PTPRT: variants seen among roughly 807,000 people sequenced by gnomAD.
PTPRT encodes receptor-type tyrosine-protein phosphatase T.
Under a neutral mutation model 176.8 loss-of-function variants are expected in PTPRT, and 56 were observed. That is an observed-to-expected ratio of 0.32 (90% CI 0.26 to 0.40). The LOEUF is 0.40. Ranked by LOEUF, PTPRT falls within the 10% of genes least tolerant of loss-of-function variation. The pLI is 1.00. For synonymous variants in PTPRT, 783 were observed against 739.0 expected (o/e 1.06, Z -0.96); for missense variants, 1,540 against 1,908.2 (o/e 0.81, Z 3.60).
intron 9 of PTPRT, among the ~76,000 whole-genome samples, chr20:42,418,293 C>G (rs1471971038): frequency 6.6e-6 from 1 of 152,008 alleles, no homozygotes; most frequent in Admixed American, 6.6e-5. Flanking sequence ...TTAAATGCAG[C>G]TAATAGAAAA....
chr20:43,096,237 CCT>C (rs2012163054), intron 1 of PTPRT, among the ~76,000 whole-genome samples: 1 of 151,826 alleles, frequency 6.6e-6, no homozygotes, highest in Non-Finnish European at 1.5e-5. Context: ...CTCCTCTTTT[CCT>C]CTCTCTCCGA....
At chr20:42,064,872 G>C in the PTPRT span, among the ~76,000 whole-genome samples, 1 of 152,222 alleles carries the variant, frequency 6.6e-6, no homozygotes, top group African/African-American at 2.4e-5. Context: ...CAAGTGATGA[G>C]ATGTAACTTC....
At chr20:42,881,633 G>A (rs989206076) in intron 2 of PTPRT, among the ~76,000 whole-genome samples, 1 of 148,170 alleles carries the variant, frequency 6.7e-6, no homozygotes, top group African/African-American at 2.5e-5. Flanking sequence ...TCTGAGGCAT[G>A]AGAATCACTT....
At chr20:42,866,677 C>T (rs1273318713) in intron 2 of PTPRT, among the ~76,000 whole-genome samples, 1 of 152,184 alleles carries the variant, frequency 6.6e-6, no homozygotes, top group Non-Finnish European at 1.5e-5. Context: ...TGGCCCCAAC[C>T]TCCCTTCTCA....
At chr20:43,086,395 A>T (rs556329751) in intron 1 of PTPRT, among the ~76,000 whole-genome samples, 1 of 152,350 alleles carries the variant, frequency 6.6e-6, no homozygotes, top group African/African-American at 2.4e-5. Context: ...ACATTTTACA[A>T]AAGAATAACT....
At chr20:42,681,013 T>C (rs373749986) in intron 6 of PTPRT, among the ~76,000 whole-genome samples, 2 of 152,248 alleles carry the variant, frequency 1.3e-5, no homozygotes, top group African/African-American at 4.8e-5. Flanking sequence ...CAGATTATTG[T>C]GTGCTTTATT....
At chr20:42,401,102 A>G (rs1432900847) in intron 9 of PTPRT, among the ~76,000 whole-genome samples, 1 of 151,282 alleles carries the variant, frequency 6.6e-6, no homozygotes, top group African/African-American at 2.4e-5. Context: ...CGCAGATTTC[A>G]ATTTGGAGTA....
chr20:42,367,270 G>C (rs2058527339), intron 9 of PTPRT, among the ~76,000 whole-genome samples: 1 of 152,202 alleles, frequency 6.6e-6, no homozygotes, highest in African/African-American at 2.4e-5. Flanking sequence ...ATGTGTATAA[G>C]AGAGCTTGAA....
chr20:42,926,731 C>T (rs1979508006), intron 1 of PTPRT, among the ~76,000 whole-genome samples: 1 of 152,162 alleles, frequency 6.6e-6, no homozygotes, highest in African/African-American at 2.4e-5. Context: ...CTCATTTCTT[C>T]ATGTGCAATA....
the PTPRT span, among the ~76,000 whole-genome samples, chr20:42,034,656 T>G: frequency 6.6e-6 from 1 of 152,128 alleles, no homozygotes; most frequent in Non-Finnish European, 1.5e-5. Context: ...TTAAGCACAA[T>G]GACCTGCTGC....
intron 6 of PTPRT, among the ~76,000 whole-genome samples, chr20:42,706,128 T>C (rs1482965991): frequency 6.6e-6 from 1 of 151,988 alleles, no homozygotes; most frequent in Non-Finnish European, 1.5e-5. Context: ...TCTGTCTGTC[T>C]GTGTCTGTCT....
intron 2 of PTPRT, among the ~76,000 whole-genome samples, chr20:42,817,450 C>A (rs1280054716): frequency 6.7e-6 from 1 of 148,600 alleles, no homozygotes; most frequent in Non-Finnish European, 1.5e-5. Context: ...AATGTGTACA[C>A]AATAATACTC....
At chr20:42,034,150 G>A in the PTPRT span, among the ~76,000 whole-genome samples, 1 of 152,256 alleles carries the variant, frequency 6.6e-6, no homozygotes, top group Middle Eastern at 3.4e-3. Context: ...CCTCTGCAAG[G>A]TTGAAATCAA....
intron 7 of PTPRT, among the ~76,000 whole-genome samples, chr20:42,659,600 T>C (rs1372035517): frequency 6.6e-6 from 1 of 152,214 alleles, no homozygotes; most frequent in African/African-American, 2.4e-5. Context: ...TAAGCTGCCA[T>C]GGCTTTGGTC....
intron 1 of PTPRT, among the ~76,000 whole-genome samples, chr20:43,034,740 T>C (rs772309360): frequency 4.0e-5 from 6 of 151,808 alleles, no homozygotes; most frequent in Admixed American, 3.9e-4. Context: ...CACAGTAGAA[T>C]GAAAAAGTCC....
chr20:42,555,586 TA>T (rs1568974082), intron 7 of PTPRT, among the ~76,000 whole-genome samples: 1 of 152,158 alleles, frequency 6.6e-6, no homozygotes, highest in Non-Finnish European at 1.5e-5. Flanking sequence ...CCAAGATGAC[TA>T]TGCATCCCGG....
chr20:42,355,898 T>C (rs2058351708), intron 9 of PTPRT, among the ~76,000 whole-genome samples: 1 of 152,222 alleles, frequency 6.6e-6, no homozygotes, highest in African/African-American at 2.4e-5. Flanking sequence ...GAGCTGTCAA[T>C]ATAATATACC....
chr20:42,045,442 C>T, the PTPRT span, among the ~76,000 whole-genome samples: 2 of 150,722 alleles, frequency 1.3e-5, no homozygotes, highest in African/African-American at 2.4e-5. Context: ...AATTAAGAAT[C>T]GAAGTTTGCA....
chr20:43,052,983 G>A (rs183875637), intron 1 of PTPRT, among the ~76,000 whole-genome samples: 2 of 152,086 alleles, frequency 1.3e-5, no homozygotes, highest in South Asian at 2.1e-4. Context: ...TACCTGAAAC[G>A]TTCATAGCAG....
Sources: gnomAD v4.1 joint callset for allele counts (sites outside exome capture counted in the v4.1 genomes callset) on GRCh38, gnomAD v4.1.1 for gene constraint, MANE v1.5 for transcripts, NCBI Gene and HGNC (gene_info 2026-07-23, HGNC 2026-07-21) for gene names.